Variants in SCHIP1 observed in about 807,000 individuals in gnomAD.
SCHIP1 encodes the protein schwannomin-interacting protein 1.
Under a neutral mutation model 29.7 loss-of-function variants are expected in SCHIP1, and 8 were observed. The ratio of observed to expected loss-of-function variants is 0.27; its 90% confidence interval spans 0.16 to 0.49. The LOEUF (loss-of-function observed/expected upper bound fraction) is 0.49, where lower values mean the gene tolerates loss of function less well. Ranked by LOEUF, SCHIP1 falls within the 20% of genes least tolerant of loss-of-function variation. The pLI, the probability that SCHIP1 is intolerant of heterozygous loss-of-function variation, is 0.99. For missense variants in SCHIP1, 193 were observed against 294.6 expected (o/e 0.66, Z 2.52); for synonymous variants, 76 against 94.9 (o/e 0.80, Z 1.16).
chr3:159,863,758 G>A (rs190306572), intron 1 of SCHIP1, among the ~76,000 whole-genome samples: 1 of 152,154 alleles, frequency 6.6e-6, no homozygotes, highest in African/African-American at 2.4e-5. Context: ...GAAAGAGAGT[G>A]TATTATAAAA....
At chr3:159,492,037 G>A in the SCHIP1 span, among the ~76,000 whole-genome samples, 1 of 152,186 alleles carries the variant, frequency 6.6e-6, no homozygotes, top group Non-Finnish European at 1.5e-5. Context: ...GCGGCTGAAG[G>A]TCCTGACTGT....
chr3:159,724,020 A>G, the SCHIP1 span, among the ~76,000 whole-genome samples: 1 of 152,178 alleles, frequency 6.6e-6, no homozygotes, highest in South Asian at 2.1e-4. Flanking sequence ...GGAAGAGTTG[A>G]ACCAGTTTAT....
chr3:159,317,199 T>G, the SCHIP1 span, among the ~76,000 whole-genome samples: 1 of 152,208 alleles, frequency 6.6e-6, no homozygotes, highest in Non-Finnish European at 1.5e-5. Context: ...TAGACTGATT[T>G]CATCTTGATA....
At chr3:159,784,500 A>G in the SCHIP1 span, among the ~76,000 whole-genome samples, 5 of 152,238 alleles carry the variant, frequency 3.3e-5, no homozygotes. Context: ...AGTTCATTAG[A>G]ATAGCTATGT....
chr3:159,434,127 T>C, the SCHIP1 span, among the ~76,000 whole-genome samples: 1 of 152,232 alleles, frequency 6.6e-6, no homozygotes, highest in East Asian at 1.9e-4. Context: ...TTTGTGGATA[T>C]AGTGATTAAT....
the SCHIP1 span, among the ~76,000 whole-genome samples, chr3:159,581,322 C>T: frequency 1.3e-4 from 20 of 152,136 alleles, no homozygotes; most frequent in Admixed American, 9.2e-4. Context: ...GCTGAAGAAG[C>T]TGGCAACCAA....
At chr3:159,376,543 T>A in the SCHIP1 span, among the ~76,000 whole-genome samples, 10 of 152,210 alleles carry the variant, frequency 6.6e-5, no homozygotes, top group African/African-American at 2.2e-4. Flanking sequence ...TGATATCACT[T>A]CATATGTGTT....
the SCHIP1 span, among the ~76,000 whole-genome samples, chr3:159,684,760 T>G: frequency 2.1e-5 from 3 of 146,332 alleles, no homozygotes; most frequent in Non-Finnish European, 4.4e-5. Flanking sequence ...GCCGAGTTTA[T>G]GCCACTGCAC....
the SCHIP1 span, among the ~76,000 whole-genome samples, chr3:159,699,136 G>A: frequency 6.6e-6 from 1 of 152,176 alleles, no homozygotes; most frequent in East Asian, 1.9e-4. Context: ...AACATAGCAT[G>A]AGTATGGGAA....
the SCHIP1 span, among the ~76,000 whole-genome samples, chr3:159,769,420 C>G: frequency 6.6e-6 from 1 of 152,198 alleles, no homozygotes; most frequent in South Asian, 2.1e-4. Context: ...TTCCCTGTCT[C>G]TGGAGACTCA....
At chr3:159,277,266 T>C in the SCHIP1 span, among the ~76,000 whole-genome samples, 2 of 152,220 alleles carry the variant, frequency 1.3e-5, no homozygotes, top group African/African-American at 4.8e-5. Context: ...TTACCCATGA[T>C]ATAGTAAATA....
the SCHIP1 span, among the ~76,000 whole-genome samples, chr3:159,562,653 C>T: frequency 2.8e-3 from 432 of 152,278 alleles, 2 homozygotes; most frequent in African/African-American, 0.01. Flanking sequence ...CTAGTCCGTG[C>T]CCAGGAGGGA....
chr3:159,351,006 A>C, the SCHIP1 span, among the ~76,000 whole-genome samples: 3 of 152,130 alleles, frequency 2.0e-5, no homozygotes, highest in Non-Finnish European at 4.4e-5. Flanking sequence ...AATATATAAA[A>C]ATTTAAAAAA....
At chr3:159,802,769 C>G in the SCHIP1 span, among the ~76,000 whole-genome samples, 1 of 152,162 alleles carries the variant, frequency 6.6e-6, no homozygotes, top group Non-Finnish European at 1.5e-5. Flanking sequence ...GTGTAAGTGA[C>G]AGAAAATCTA....
At chr3:159,768,881 C>T in the SCHIP1 span, among the ~76,000 whole-genome samples, 1 of 152,198 alleles carries the variant, frequency 6.6e-6, no homozygotes, top group East Asian at 1.9e-4. Context: ...AGGGGCTCTA[C>T]CCAAAAACCA....
chr3:159,273,801 A>G, the SCHIP1 span: 2 of 1,613,080 alleles, frequency 1.2e-6, no homozygotes, highest in Non-Finnish European at 1.7e-6. Context: ...TCAAATGGGC[A>G]AGAGTAACTC....
At chr3:159,365,389 G>A in the SCHIP1 span, among the ~76,000 whole-genome samples, 1 of 152,046 alleles carries the variant, frequency 6.6e-6, no homozygotes, top group Non-Finnish European at 1.5e-5. Flanking sequence ...GGCATATGAT[G>A]TGTATCACCG....
chr3:159,406,793 T>C, the SCHIP1 span, among the ~76,000 whole-genome samples: 1 of 152,206 alleles, frequency 6.6e-6, no homozygotes, highest in African/African-American at 2.4e-5. Context: ...CTTTGCTTGC[T>C]TGTTTGTTTA....
chr3:159,598,246 TCCCAACAGTCC>T, the SCHIP1 span, among the ~76,000 whole-genome samples: 2 of 152,138 alleles, frequency 1.3e-5, no homozygotes, highest in African/African-American at 4.8e-5. Flanking sequence ...AAACATGCCT[TCCCAACAGTCC>T]CCCAAAGTCT....
Sources: allele counts gnomAD v4.1 joint callset (sites outside exome capture counted in the v4.1 genomes callset), GRCh38; gene constraint gnomAD v4.1.1; transcripts MANE v1.5; gene names NCBI Gene and HGNC (gene_info 2026-07-23, HGNC 2026-07-21).